The following CPSF4 variants were observed in gnomAD, a reference collection of about 807,000 sequenced individuals.
The protein encoded by CPSF4 is cleavage and polyadenylation specificity factor subunit 4.
In CPSF4, 11 loss-of-function variants were observed where a neutral mutation model predicts 37.7. The observed-to-expected ratio is 0.29, with a 90% CI of 0.18 to 0.48. CPSF4 has a LOEUF of 0.48. CPSF4 is among the 20% of genes least tolerant of loss of function. The probability of loss-of-function intolerance (pLI) is 0.99; values close to 1 mark genes in which losing one functional copy is unlikely to be tolerated. For synonymous variants in CPSF4, 132 were observed against 135.9 expected (o/e 0.97, Z 0.20); for missense variants, 144 against 359.5 (o/e 0.40, Z 4.85).
At chr7:99,443,446 CT>C in intron 1 of CPSF4, 2 of 1,222,148 alleles carry the variant, frequency 1.6e-6, no homozygotes, top group Non-Finnish European at 1.2e-6. Flanking sequence ...GACATTCTTG[CT>C]TTAGTTTAGC....
intron 1 of CPSF4, chr7:99,443,506 C>A: frequency 1.3e-6 from 1 of 756,194 alleles, no homozygotes; most frequent in South Asian, 1.4e-5. Flanking sequence ...TCTTGTTACC[C>A]CTCCGGGTGT....
chr7:99,454,157 A>G, intron 7 of CPSF4, 21 bp downstream of exon 7: 1 of 1,606,464 alleles, frequency 6.2e-7, no homozygotes, highest in Non-Finnish European at 8.5e-7. Flanking sequence ...GGGCTGGGGG[A>G]CAGGGTGGGG....
chr7:99,444,867 C>T (rs1562857699), intron 2 of CPSF4, 28 bp downstream of exon 2: 1 of 1,607,856 alleles, frequency 6.2e-7, no homozygotes, highest in Non-Finnish European at 8.5e-7. Flanking sequence ...CCCTGATGTG[C>T]CTCCGGAGGC....
chr7:99,452,002 T>C (rs1584510798), intron 5 of CPSF4, among the ~76,000 whole-genome samples: 1 of 152,126 alleles, frequency 6.6e-6, no homozygotes, highest in African/African-American at 2.4e-5. Context: ...GACGCCAGAG[T>C]AAGACCCTGC....
At chr7:99,442,368 C>T (rs1797061940) in intron 1 of CPSF4, among the ~76,000 whole-genome samples, 1 of 151,594 alleles carries the variant, frequency 6.6e-6, no homozygotes. Context: ...TAACAAGCAA[C>T]ATAATCGGCC....
intron 1 of CPSF4, among the ~76,000 whole-genome samples, chr7:99,442,013 C>G (rs1462308181): frequency 6.6e-6 from 1 of 152,128 alleles, no homozygotes; most frequent in Non-Finnish European, 1.5e-5. Flanking sequence ...TTTTGAGATG[C>G]AAATGGAGTG....
intron 1 of CPSF4, chr7:99,443,164 C>T: frequency 1.3e-6 from 1 of 786,984 alleles, no homozygotes; most frequent in South Asian, 1.3e-5. Flanking sequence ...TTCTTACTCT[C>T]CAAGCTCACA....
intron 3 of CPSF4, 102 bp from the exon 4 acceptor site, chr7:99,450,174 G>A (rs551602994): frequency 2.1e-5 from 18 of 850,966 alleles, no homozygotes; most frequent in Non-Finnish European, 2.5e-5. Context: ...CTCAGGGCTC[G>A]TCAGGCCAAA....
At chr7:99,444,157 G>A (rs140776573) in intron 1 of CPSF4, among the ~76,000 whole-genome samples, 28 of 152,066 alleles carry the variant, frequency 1.8e-4, no homozygotes, top group African/African-American at 5.1e-4. Context: ...GCTAGGGGCC[G>A]TTAATTTATT....
At position 99,440,674 on chromosome 7, in the gene CPSF4, A is replaced by ATATATATTTTTTTTTTTTT; in HGVS notation, c.103+1490_103+1491insATATATTTTTTTTTTTTTT. ...ACCTGGCATATATATATATATATAT[A>ATATATATTTTTTTTTTTTT]TTTTTTTTTTTTTTTTTTTCCTGCC... On this transcript the variant is annotated intron_variant, in intron 1 of 7. Transcript: ENST00000292476. 3.3e-4 allele frequency among the ~76,000 whole-genome samples: 29 copies of ATATATATTTTTTTTTTTTT among 88,070 alleles called. No individual in the cohort carries two copies. The East Asian group carries it at 3.4e-3, about 10-fold the overall frequency. 57.8% of individuals were successfully genotyped at this position (88,070 alleles called of 152,430 possible).
At chr7:99,452,802 C>G (rs536667387) in intron 6 of CPSF4, 1 of 221,996 alleles carries the variant, frequency 4.5e-6, no homozygotes, top group Non-Finnish European at 9.0e-6. Context: ...TGGGTCAGAC[C>G]CTTTATTTTG....
At chr7:99,440,674 A>ATATATATATATATATATTT in intron 1 of CPSF4, among the ~76,000 whole-genome samples, 1 of 88,088 alleles carries the variant, frequency 1.1e-5, no homozygotes, top group African/African-American at 9.7e-5. Flanking sequence ...ATATATATAT[A>ATATATATATATATATATTT]TTTTTTTTTT....
rs1798345611 is a variant in CPSF4 at position 99,456,756 on chromosome 7, TC to T, written c.*259del. 2 of 553,852 alleles carry T rather than the reference TC, an allele frequency of 3.6e-6. No homozygotes were observed. Among genetic ancestry groups the T allele is most frequent in the African/African-American group, 1.9e-5 (1 of 53,246 alleles). 34.3% of individuals were successfully genotyped at this position (553,852 alleles called of 1,614,324 possible). ...GGCATCGATGCCTCCTTTCTGGGAC[TC>T]CCGGCACAACTCCCCTCATCCAGGG... is the stretch of plus-strand genomic sequence containing the variant. On this transcript the variant is annotated 3_prime_UTR_variant, in exon 8 of 8. Coordinates refer to ENST00000292476, the MANE Select transcript of CPSF4 (RefSeq NM_006693.4).
In CPSF4 at chr7:99,450,523, C is replaced by G. The variant is rs1301822862; in HGVS notation, c.403+152C>G. ...CTCACACTCCTCATCTCCCTTGCCTCTCCCAAGAATGCTGGGTGGGTGGTG... is the reference window on the plus strand; with the variant it reads ...CTCACACTCCTCATCTCCCTTGCCTGTCCCAAGAATGCTGGGTGGGTGGTG... On this transcript the variant is annotated intron_variant, in intron 4 of 7. Coordinates refer to ENST00000292476, the MANE Select transcript of CPSF4 (RefSeq NM_006693.4). 3 of 744,342 alleles carry G rather than the reference C, an allele frequency of 4.0e-6. No individual in the cohort carries two copies. In the East Asian group the frequency reaches 8.0e-5, roughly 20 times the overall value. The allele number at this position is 744,342 out of a possible 1,614,324, so 46.1% of individuals were successfully genotyped here.
At position 99,452,504 on chromosome 7, in the gene CPSF4, C is replaced by T. The variant is rs999652694; in HGVS notation, c.570+64C>T. 12 of 1,432,448 alleles carry T rather than the reference C, an allele frequency of 8.4e-6. No individual in the cohort carries two copies. The African/African-American group carries it at 1.4e-4, about 17-fold the overall frequency. The allele number at this position is 1,432,448 out of a possible 1,614,324, so 88.7% of individuals were successfully genotyped here. A position where few individuals can be genotyped will look rare whatever the true frequency, so the allele number is the denominator to read the frequency against. On this transcript the variant is annotated intron_variant, in intron 6 of 7. Coordinates refer to ENST00000292476, the MANE Select transcript of CPSF4 (RefSeq NM_006693.4). ...TTTTCTACAGCGAGAACCTCAGTGT[C>T]CCCCAGGGGTGTGGTCTGCCTTAGA...
chr7:99,441,238 A>G (rs1270702661), intron 1 of CPSF4, among the ~76,000 whole-genome samples: 2 of 152,112 alleles, frequency 1.3e-5, no homozygotes, highest in African/African-American at 4.8e-5. Flanking sequence ...GGCATAAGCC[A>G]CTGTGCCCAG....
chr7:99,447,551 C>T (rs1797617371), intron 2 of CPSF4, among the ~76,000 whole-genome samples: 1 of 151,126 alleles, frequency 6.6e-6, no homozygotes, highest in Non-Finnish European at 1.5e-5. Flanking sequence ...CCTTTTAATT[C>T]CTCCATCTTA....
In CPSF4 at chr7:99,454,066, T is replaced by G; in HGVS notation, c.671T>G (p.Val224Gly). The G allele has an allele frequency of 6.2e-7, 1 of 1,613,978 alleles. No homozygotes were observed. The highest frequency in any genetic ancestry group is 1.3e-5 in the African/African-American group (1 of 74,996). ...NQQRTPQVIG[V>G]MQSQNSSAGN... ...CAGAGAACCCCGCAGGTCATCGGGG[T>G]CATGCAGAGTCAAAACAGCAGCGCG... Residue 224 changes from valine to glycine, a missense_variant, in exon 7 of 8, where the codon GTC becomes GGC. Val to Gly is a moderately radical substitution (Grantham distance 109). This residue lies in a region of CPSF4 where 86 missense variants were observed against 141.5 expected (regional missense o/e 0.61). Transcript: ENST00000292476.
At chr7:99,455,627 TAC>T (rs1301619964) in intron 7 of CPSF4, among the ~76,000 whole-genome samples, 1 of 152,194 alleles carries the variant, frequency 6.6e-6, no homozygotes, top group Admixed American at 6.5e-5. Flanking sequence ...TGGGTGTCAG[TAC>T]AGAGTCAGTG....
Sources: allele counts gnomAD v4.1 joint callset (sites outside exome capture counted in the v4.1 genomes callset), GRCh38; gene constraint gnomAD v4.1.1; regional missense constraint gnomAD v4.1.1; transcripts MANE v1.5; gene names NCBI Gene and HGNC (gene_info 2026-07-23, HGNC 2026-07-21).